ADAMTSL1: variants seen among roughly 807,000 people sequenced by gnomAD.
ADAMTSL1 encodes ADAMTS like 1, also known as ADAMTS-like protein 1.
ADAMTSL1 carries 126 observed loss-of-function variants against 201.8 expected under a neutral mutation model. That is an observed-to-expected ratio of 0.62 (90% CI 0.54 to 0.72). ADAMTSL1 has a LOEUF of 0.72. Ranked by LOEUF, ADAMTSL1 falls within the 30% of genes least tolerant of loss-of-function variation. The pLI, the probability that ADAMTSL1 is intolerant of heterozygous loss-of-function variation, is 0.00. For synonymous variants in ADAMTSL1, 1,121 were observed against 903.4 expected (o/e 1.24, Z -4.32); for missense variants, 2,679 against 2,277.8 (o/e 1.18, Z -3.59).
In ADAMTSL1 at chr9:18,029,912, G is replaced by A. The variant is rs1016077432; in HGVS notation, c.87+122990G>A. Among the ~76,000 whole-genome samples, 55 of 151,838 alleles carry A rather than the reference G, an allele frequency of 3.6e-4. No individual in the cohort carries two copies. In the Middle Eastern group the frequency reaches 0.01, roughly 28 times the overall value. On this transcript the variant is annotated intron_variant, in intron 1 of 29. Transcript: ENST00000680146. ...TCAGGAAACAACAGGTGCTGGAGAG[G>A]ATGTGGAGAAATAGGAACACTTTTA...
intron 1 of ADAMTSL1, among the ~76,000 whole-genome samples, chr9:17,995,265 C>T (rs770483850): frequency 2.0e-5 from 3 of 152,154 alleles, no homozygotes; most frequent in Non-Finnish European, 4.4e-5. Flanking sequence ...TGTGACCTCA[C>T]TGTTCCCTGT....
intron 2 of ADAMTSL1, among the ~76,000 whole-genome samples, chr9:18,357,196 C>A (rs1434793083): frequency 6.6e-6 from 1 of 152,032 alleles, no homozygotes; most frequent in African/African-American, 2.4e-5. Flanking sequence ...TAATCAGAAA[C>A]CTCCTCTGGA....
intron 16 of ADAMTSL1, among the ~76,000 whole-genome samples, chr9:18,763,466 A>G (rs1256104849): frequency 6.6e-6 from 1 of 151,942 alleles, no homozygotes; most frequent in Non-Finnish European, 1.5e-5. Flanking sequence ...CACTTTGTTG[A>G]TTGTTTCCTG....
chr9:18,867,642 T>C (rs549956469), intron 23 of ADAMTSL1, among the ~76,000 whole-genome samples: 2 of 152,192 alleles, frequency 1.3e-5, no homozygotes, highest in Non-Finnish European at 2.9e-5. Flanking sequence ...ACATCTTTTT[T>C]TTTTAGATGG....
At chr9:18,112,795 C>T (rs1197721922) in intron 1 of ADAMTSL1, among the ~76,000 whole-genome samples, 2 of 152,144 alleles carry the variant, frequency 1.3e-5, no homozygotes, top group East Asian at 3.9e-4. Flanking sequence ...GGCAGAGATG[C>T]CATCCATTCA....
intron 2 of ADAMTSL1, among the ~76,000 whole-genome samples, chr9:18,251,140 A>G (rs896920200): frequency 6.6e-6 from 1 of 152,158 alleles, no homozygotes; most frequent in Non-Finnish European, 1.5e-5. Flanking sequence ...AATGGATTAG[A>G]AGAATCATTA....
intron 1 of ADAMTSL1, among the ~76,000 whole-genome samples, chr9:17,937,090 G>T (rs1037091487): frequency 3.3e-5 from 5 of 152,092 alleles, no homozygotes; most frequent in Admixed American, 6.6e-5. Flanking sequence ...GCTGTTGTTG[G>T]TGCCTCATCC....
chr9:18,430,325 C>G (rs1019287308), intron 2 of ADAMTSL1, among the ~76,000 whole-genome samples: 4 of 152,150 alleles, frequency 2.6e-5, no homozygotes, highest in Non-Finnish European at 5.9e-5. Context: ...CCCACAATGG[C>G]TTCCCAAAGT....
At chr9:18,855,843 A>G (rs1826808066) in intron 23 of ADAMTSL1, among the ~76,000 whole-genome samples, 1 of 152,012 alleles carries the variant, frequency 6.6e-6, no homozygotes, top group South Asian at 2.1e-4. Flanking sequence ...GTAATGTGTG[A>G]CTCTTTGAAG....
chr9:18,519,569 A>T (rs1818560829), intron 2 of ADAMTSL1, among the ~76,000 whole-genome samples: 1 of 152,182 alleles, frequency 6.6e-6, no homozygotes, highest in Non-Finnish European at 1.5e-5. Flanking sequence ...TGTGTGTTCT[A>T]TTCTGATTCG....
intron 1 of ADAMTSL1, among the ~76,000 whole-genome samples, chr9:18,502,490 A>G (rs1398170799): frequency 1.3e-5 from 2 of 152,186 alleles, no homozygotes; most frequent in African/African-American, 4.8e-5. Context: ...GGCTATGGAG[A>G]AGAAATTTGT....
chr9:18,271,074 T>C (rs1347740330), intron 2 of ADAMTSL1, among the ~76,000 whole-genome samples: 2 of 152,176 alleles, frequency 1.3e-5, no homozygotes, highest in East Asian at 3.9e-4. Context: ...TTTATTGTTG[T>C]AAACAGTGGA....
intron 15 of ADAMTSL1, among the ~76,000 whole-genome samples, chr9:18,738,173 G>A (rs1818625610): frequency 1.3e-5 from 2 of 152,150 alleles, no homozygotes; most frequent in South Asian, 4.1e-4. Flanking sequence ...ATGGTCACTA[G>A]ACATCATATA....
At chr9:18,770,242 A>G (rs1820613975) in intron 16 of ADAMTSL1, among the ~76,000 whole-genome samples, 3 of 152,208 alleles carry the variant, frequency 2.0e-5, no homozygotes, top group Non-Finnish European at 2.9e-5. Context: ...GAAGCAGCAC[A>G]GATTATTTTC....
intron 28 of ADAMTSL1, 69 bp downstream of exon 28, chr9:18,906,981 G>A (rs772428409): frequency 2.6e-6 from 4 of 1,567,964 alleles, no homozygotes; most frequent in Non-Finnish European, 3.5e-6. Context: ...AGCAGTCCCT[G>A]GGACCGACCC....
chr9:17,946,134 G>A (rs1827464808), intron 1 of ADAMTSL1, among the ~76,000 whole-genome samples: 2 of 148,698 alleles, frequency 1.3e-5, no homozygotes, highest in East Asian at 2.0e-4. Flanking sequence ...GAATGAAATA[G>A]CATCTCTCAT....
In ADAMTSL1 at chr9:18,726,801, T is replaced by C. The variant is rs547395665; in HGVS notation, c.2006+5136T>C. ...TTTTTAAACTAAACTTTTATTTCTGTGCAACAGAGAACAGCTGAGTGGTAC... is the reference window on the plus strand; with the variant it reads ...TTTTTAAACTAAACTTTTATTTCTGCGCAACAGAGAACAGCTGAGTGGTAC... On this transcript the variant is annotated intron_variant, in intron 15 of 28. Coordinates refer to ENST00000380548, the MANE Select transcript of ADAMTSL1 (RefSeq NM_001040272.6). Among the ~76,000 whole-genome samples the C allele has an allele frequency of 7.9e-5, 12 of 152,280 alleles. No homozygotes were observed. In the South Asian group the frequency reaches 2.5e-3, roughly 32 times the overall value.
At chr9:18,614,793 A>G (rs761446234) in intron 4 of ADAMTSL1, among the ~76,000 whole-genome samples, 2 of 152,188 alleles carry the variant, frequency 1.3e-5, no homozygotes, top group African/African-American at 2.4e-5. Context: ...AAGTATAATC[A>G]GCAACTTCAT....
intron 23 of ADAMTSL1, among the ~76,000 whole-genome samples, chr9:18,842,887 G>A (rs1459231627): frequency 6.6e-6 from 1 of 151,936 alleles, no homozygotes; most frequent in Non-Finnish European, 1.5e-5. Context: ...CATTTGCTTG[G>A]TAGATCTTCC....
Sources: gnomAD v4.1 joint callset for allele counts (sites outside exome capture counted in the v4.1 genomes callset) on GRCh38, gnomAD v4.1.1 for gene constraint, MANE v1.5 for transcripts, NCBI Gene and HGNC (gene_info 2026-07-23, HGNC 2026-07-21) for gene names.